The following MDN1 variants were observed in gnomAD, a reference collection of about 807,000 sequenced individuals.
MDN1 encodes midasin.
In MDN1, 266 loss-of-function variants were observed where a neutral mutation model predicts 669.2. The observed-to-expected ratio is 0.40, with a 90% confidence interval of 0.36 to 0.44. The LOEUF is 0.44. Ranked by LOEUF, MDN1 falls within the 20% of genes least tolerant of loss-of-function variation. The probability of loss-of-function intolerance (pLI) is 1.00; values close to 1 mark genes in which losing one functional copy is unlikely to be tolerated. For missense variants in MDN1, 5,940 were observed against 6,754.0 expected (o/e 0.88, Z 4.22); for synonymous variants, 2,385 against 2,457.1 (o/e 0.97, Z 0.87).
intron 19 of MDN1, among the ~76,000 whole-genome samples, chr6:89,756,798 G>A (rs1817274076): frequency 6.6e-6 from 1 of 151,998 alleles, no homozygotes; most frequent in Non-Finnish European, 1.5e-5. Flanking sequence ...GCGGGTGCCT[G>A]TAGTCCCAGC....
chr6:89,720,473 A>T (rs1322428959), intron 40 of MDN1, among the ~76,000 whole-genome samples: 2 of 151,442 alleles, frequency 1.3e-5, no homozygotes, highest in Non-Finnish European at 2.9e-5. Context: ...ATTCAACTGG[A>T]CTCTTCTAGC....
intron 2 of MDN1, among the ~76,000 whole-genome samples, chr6:89,799,448 C>T (rs773119805): frequency 7.9e-5 from 12 of 152,198 alleles, no homozygotes; most frequent in Non-Finnish European, 1.6e-4. Flanking sequence ...ACTGGGAGGC[C>T]GAGGCGGGTG....
chr6:89,687,066 T>C (rs376033667), intron 68 of MDN1, 43 bp from the exon 69 acceptor site: 8 of 1,601,942 alleles, frequency 5.0e-6, no homozygotes, highest in East Asian at 2.2e-5. Context: ...GAAAACCTAT[T>C]TGAAATATCT....
intron 36 of MDN1, among the ~76,000 whole-genome samples, chr6:89,728,614 T>G (rs1401176067): frequency 1.3e-5 from 2 of 152,142 alleles, no homozygotes; most frequent in African/African-American, 4.8e-5. Flanking sequence ...GTGGATCACT[T>G]GACATAAGGA....
intron 74 of MDN1, among the ~76,000 whole-genome samples, chr6:89,679,601 A>G (rs1482035034): frequency 6.6e-6 from 1 of 152,214 alleles, no homozygotes; most frequent in East Asian, 1.9e-4. Context: ...CACAGAACAC[A>G]CAGATGAAGA....
rs1336712552 is a variant in MDN1 at position 89,776,590 on chromosome 6, G to A, written c.1821+10C>T. ...CTTTCAACAGGGAAGTAAAAAAACA[G>A]CACACATACCTTTTTTCTAGAAATG... On this transcript the variant is annotated intron_variant, in intron 12 of 101. Transcript: ENST00000369393. 1.3e-6 allele frequency: 2 copies of A among 1,594,180 alleles called. No individual in the cohort carries two copies. Among genetic ancestry groups the A allele is most frequent in the Non-Finnish European group, 1.7e-6 (2 of 1,165,006 alleles).
chr6:89,808,121 C>G (rs1584402883), intron 1 of MDN1, among the ~76,000 whole-genome samples: 1 of 151,412 alleles, frequency 6.6e-6, no homozygotes, highest in Non-Finnish European at 1.5e-5. Context: ...ACATTCATAT[C>G]ATTATATAAT....
intron 22 of MDN1, 68 bp downstream of exon 22, chr6:89,753,444 C>T: frequency 8.3e-7 from 1 of 1,202,020 alleles, no homozygotes; most frequent in Non-Finnish European, 1.2e-6. Context: ...AAAAAAAAAC[C>T]AAACAGCTGA....
intron 1 of MDN1, among the ~76,000 whole-genome samples, chr6:89,817,712 G>A (rs1394818220): frequency 1.3e-5 from 2 of 152,182 alleles, no homozygotes; most frequent in Non-Finnish European, 2.9e-5. Context: ...ATAGTAGAGG[G>A]TAACAACCTG....
Position 89,738,587 on chromosome 6 carries a change from C to A in MDN1, c.4594-132G>T. On this transcript the variant is annotated intron_variant, in intron 32 of 101. Transcript: ENST00000369393. Reference sequence around the variant, plus strand: ...CACTTTTAAAAATTATTTCTACTATCAGATATAATTAATTGAAGATGTACT... The same window carrying A: ...CACTTTTAAAAATTATTTCTACTATAAGATATAATTAATTGAAGATGTACT... 4 of 913,812 alleles carry A rather than the reference C, an allele frequency of 4.4e-6. 1 individual carries two copies. In the South Asian group the frequency reaches 5.2e-5, roughly 12 times the overall value. 56.6% of individuals were successfully genotyped at this position (913,812 alleles called of 1,614,324 possible).
Position 89,680,742 on chromosome 6 carries a change from G to A in MDN1, c.12112C>T (p.Pro4038Ser), listed in dbSNP as rs768740755. 9 of 1,613,928 alleles carry A rather than the reference G, an allele frequency of 5.6e-6. No homozygotes were observed. The South Asian group carries it at 9.9e-5, about 18-fold the overall frequency. ...GGAGCAGCGCCCTGACACCACTCTG[G>A]AATTGTGGCCTGTGAGACAAAAGAC... ...AQPAAGQATI[P>S]EWCQGAAPSG... is the part of the protein sequence containing the mutation. Residue 4038 changes from proline to serine, a missense_variant, in exon 74 of 102, where the codon CCA becomes TCA. Around this residue, in one of 5 missense-constraint regions of MDN1, gnomAD observed 2,280 missense variants for 2,576.3 expected, o/e 0.88. Coordinates refer to ENST00000369393, the MANE Select transcript of MDN1 (RefSeq NM_014611.3).
At position 89,702,042 on chromosome 6, in the gene MDN1, C is replaced by G. The variant is rs755591662; in HGVS notation, c.8168G>C (p.Trp2723Ser). Residue 2723 changes from tryptophan to serine, a missense_variant, in exon 54 of 102, where the codon TGG becomes TCG. Coordinates refer to ENST00000369393, the MANE Select transcript of MDN1 (RefSeq NM_014611.3). ...SANEILGSLR[W>S]RDRFWTVADT... is the part of the protein sequence containing the mutation. Reference sequence around the variant, plus strand: ...GGCCACAGTCCAGAACCGGTCCCGCCACCGCAGAGAACCTAAGATCTAAAA... The same window carrying G: ...GGCCACAGTCCAGAACCGGTCCCGCGACCGCAGAGAACCTAAGATCTAAAA... The G allele has an allele frequency of 6.2e-7, 1 of 1,606,024 alleles. No homozygotes were observed. The highest frequency in any genetic ancestry group is 8.5e-7 in the Non-Finnish European group (1 of 1,177,046).
chr6:89,778,610 C>T (rs958889272), intron 11 of MDN1, among the ~76,000 whole-genome samples: 2 of 151,908 alleles, frequency 1.3e-5, no homozygotes, highest in South Asian at 2.1e-4. Context: ...GGTGACTGGG[C>T]GCAGTGGCTC....
Position 89,745,306 on chromosome 6 carries a change from A to C in MDN1, c.4145T>G (p.Phe1382Cys). ...TCCAACCAGCAGCACAGGTTCACCA[A>C]ATTCCAATGCCCTTCCCACTAGCAT... Reference protein sequence around the residue: ...LAMLVGRALEFGEPVLLVGDT... With the variant: ...LAMLVGRALECGEPVLLVGDT... Residue 1382 changes from phenylalanine (F) to cysteine (C), a missense_variant, in exon 29 of 102, where the codon TTT (phenylalanine) becomes TGT (cysteine). This residue lies in a region of MDN1 where 2,292 missense variants were observed against 2,638.3 expected (regional missense o/e 0.87). Transcript: ENST00000369393. 1.2e-6 allele frequency: 2 copies of C among 1,613,896 alleles called. No individual in the cohort carries two copies. Among genetic ancestry groups the C allele is most frequent in the Non-Finnish European group, 1.7e-6 (2 of 1,179,876 alleles).
chr6:89,768,037 C>CA (rs796804346), intron 15 of MDN1, among the ~76,000 whole-genome samples: 298 of 136,632 alleles, frequency 2.2e-3, no homozygotes, highest in African/African-American at 6.9e-3. Context: ...GACCCTGTCT[C>CA]AAAAAAAAAA....
intron 12 of MDN1, 112 bp downstream of exon 12, chr6:89,776,488 A>G: frequency 1.4e-6 from 1 of 725,914 alleles, no homozygotes; most frequent in Middle Eastern, 2.5e-4. Flanking sequence ...AACTTTTACA[A>G]AAGAGGTACC....
rs530152603 is a variant in MDN1, at chr6:89,716,941, T to C, written c.6584-132A>G. ...TCATAAAAGAATAAATAGAAGAATG[T>C]TTTGCTTCTGTTTAAACACAGATAG... On this transcript the variant is annotated intron_variant, in intron 43 of 101. Coordinates refer to ENST00000369393, the MANE Select transcript of MDN1 (RefSeq NM_014611.3). 53 of 1,026,390 alleles carry C rather than the reference T, an allele frequency of 5.2e-5. 1 individual carries two copies. In the East Asian group the frequency reaches 9.7e-4, roughly 19 times the overall value. The allele number at this position is 1,026,390 out of a possible 1,614,324, so 63.6% of individuals were successfully genotyped here.
intron 65 of MDN1, 30 bp downstream of exon 65, chr6:89,689,840 C>T: frequency 6.2e-7 from 1 of 1,601,362 alleles, no homozygotes; most frequent in Non-Finnish European, 8.5e-7. Flanking sequence ...TTTCATTTCC[C>T]AGGGGCATAA....
At chr6:89,757,251 T>A (rs1442606281) in intron 19 of MDN1, among the ~76,000 whole-genome samples, 1 of 152,204 alleles carries the variant, frequency 6.6e-6, no homozygotes. Flanking sequence ...ACTAAGTACC[T>A]TGTTCATGTC....
Sources: gnomAD v4.1 joint callset for allele counts (sites outside exome capture counted in the v4.1 genomes callset) on GRCh38, gnomAD v4.1.1 for gene constraint, gnomAD v4.1.1 regional missense constraint, MANE v1.5 for transcripts, NCBI Gene and HGNC (gene_info 2026-07-23, HGNC 2026-07-21) for gene names.